DEPDC4: variants seen among roughly 807,000 people sequenced by gnomAD.
DEPDC4 encodes the protein DEP domain-containing protein 4.
In DEPDC4, 52 loss-of-function variants were observed where a neutral mutation model predicts 52.0. That is an observed-to-expected ratio of 1.00 (90% confidence interval 0.80 to 1.26). The LOEUF (loss-of-function observed/expected upper bound fraction) is 1.26, where lower values mean the gene tolerates loss of function less well. DEPDC4 is among the 50% of genes most tolerant of loss of function. The pLI is 0.00. For synonymous variants in DEPDC4, 201 were observed against 196.8 expected (o/e 1.02, Z -0.18); for missense variants, 530 against 546.9 (o/e 0.97, Z 0.31).
upstream of DEPDC4, among the ~76,000 whole-genome samples, chr12:100,271,279 A>G (rs1030270417): frequency 4.6e-5 from 7 of 151,060 alleles, no homozygotes; most frequent in East Asian, 5.8e-4. Flanking sequence ...AAAAAAAAAA[A>G]AAAGAGAGAG....
chr12:100,261,273 A>G (rs1053106341), intron 3 of DEPDC4, among the ~76,000 whole-genome samples: 9 of 152,084 alleles, frequency 5.9e-5, no homozygotes, highest in Non-Finnish European at 1.0e-4. Flanking sequence ...TATCATGCCA[A>G]TGTTAACTAT....
At chr12:100,260,204 T>C (rs568235740) in intron 3 of DEPDC4, among the ~76,000 whole-genome samples, 2 of 152,070 alleles carry the variant, frequency 1.3e-5, no homozygotes, top group Non-Finnish European at 2.9e-5. Context: ...TACTGCAACC[T>C]TTGCCTCCCG....
Position 100,262,356 on chromosome 12 carries a change from C to T in DEPDC4, c.608G>A (p.Arg203Lys). 2 of 1,613,340 alleles carry T rather than the reference C, an allele frequency of 1.2e-6. No individual in the cohort carries two copies. The highest frequency in any genetic ancestry group is 3.3e-4 in the Middle Eastern group (2 of 6,038). Residue 203 changes from arginine to lysine, a missense_variant, in exon 3 of 10, where the codon AGA becomes AAA. Arg to Lys is a conservative substitution (Grantham distance 26). Coordinates refer to ENST00000550587, the MANE Select transcript of DEPDC4 (RefSeq NM_001364818.2). The part of the protein sequence containing the change: ...NPLAQEIGEE[R>K]IEELIHTING... ...TATTGTATGAATAAGTTCCTCAATT[C>T]TTTCCTCACCAATCTCCTGTGCTAG...
At chr12:100,272,084 G>A in the DEPDC4 span, among the ~76,000 whole-genome samples, 1 of 152,142 alleles carries the variant, frequency 6.6e-6, no homozygotes, top group East Asian at 1.9e-4. Context: ...GGCTGAGCTA[G>A]ATGGTAGAGA....
chr12:100,263,693 C>CAA lies in DEPDC4; in HGVS notation c.357_358insTT (p.Gly120LeufsTer9), dbSNP rs1177967646. On this transcript the variant is annotated frameshift_variant, in exon 2 of 10. Coordinates refer to ENST00000550587, the MANE Select transcript of DEPDC4 (RefSeq NM_001364818.2). LOFTEE classifies it high-confidence loss of function. ...ATTAGAACTTGGCAAAGATGAACCC[C>CAA]TTTAAGACAAGAGATGTCATTGCTA... 1.9e-6 allele frequency: 3 copies of CAA among 1,613,970 alleles called. No homozygotes were observed. Among genetic ancestry groups the CAA allele is most frequent in the Non-Finnish European group, 2.5e-6 (3 of 1,180,014 alleles).
At chr12:100,258,077 G>A (rs1025297643) in intron 3 of DEPDC4, among the ~76,000 whole-genome samples, 1 of 152,128 alleles carries the variant, frequency 6.6e-6, no homozygotes, top group Non-Finnish European at 1.5e-5. Context: ...ATAGCTCACT[G>A]CTGTCTCAAA....
upstream of DEPDC4, among the ~76,000 whole-genome samples, chr12:100,269,987 CTTT>C (rs548843835): frequency 2.1e-5 from 3 of 142,972 alleles, no homozygotes; most frequent in Admixed American, 7.0e-5. Context: ...AGATTTTATA[CTTT>C]TTTTTTTTTT....
intron 8 of DEPDC4, among the ~76,000 whole-genome samples, chr12:100,243,251 G>GA (rs554181766): frequency 7.9e-5 from 12 of 151,650 alleles, no homozygotes; most frequent in Admixed American, 2.6e-4. Flanking sequence ...TGTAAGTGTT[G>GA]AAAAAAAATA....
intron 1 of DEPDC4, among the ~76,000 whole-genome samples, chr12:100,265,875 G>A (rs949298254): frequency 1.3e-5 from 2 of 152,094 alleles, no homozygotes; most frequent in Non-Finnish European, 2.9e-5. Context: ...AGTAACCTTG[G>A]GGAAGAAGGA....
upstream of DEPDC4, among the ~76,000 whole-genome samples, chr12:100,271,429 TAATTCTTAATTAGAATTACAA>T (rs925956365): frequency 4.6e-5 from 7 of 152,240 alleles, no homozygotes; most frequent in African/African-American, 1.7e-4. Context: ...TTCTTGAATG[TAATTCTTAATTAGAATTACAA>T]AAATTCATTG....
At chr12:100,235,966 C>T (rs2096140790), downstream of DEPDC4, among the ~76,000 whole-genome samples, 1 of 152,198 alleles carries the variant, frequency 6.6e-6, no homozygotes, top group Non-Finnish European at 1.5e-5. Context: ...TCCTCAGTTA[C>T]TTCACATAGA....
chr12:100,249,428 C>T lies in DEPDC4; in HGVS notation c.1375-450G>A, dbSNP rs956579286. ...CTTTGGGAGGGTGAAGTGGGAAGATCGCTTGAGTCCAGAAGTTCAAGACCA... is the reference window on the plus strand; with the variant it reads ...CTTTGGGAGGGTGAAGTGGGAAGATTGCTTGAGTCCAGAAGTTCAAGACCA... On this transcript the variant is annotated intron_variant, in intron 7 of 9. Coordinates refer to ENST00000550587, the MANE Select transcript of DEPDC4 (RefSeq NM_001364818.2). Among the ~76,000 whole-genome samples, 6 of 152,094 alleles carry T rather than the reference C, an allele frequency of 3.9e-5. No homozygotes were observed. The East Asian group carries it at 7.7e-4, about 20-fold the overall frequency.
At chr12:100,233,451 A>G (rs2096137231) in intron 9 of DEPDC4, among the ~76,000 whole-genome samples, 1 of 152,212 alleles carries the variant, frequency 6.6e-6, no homozygotes, top group African/African-American at 2.4e-5. Context: ...AGATGCCATA[A>G]TAAAATAGTT....
At chr12:100,247,346 C>T (rs138541732) in intron 8 of DEPDC4, among the ~76,000 whole-genome samples, 224 of 151,282 alleles carry the variant, frequency 1.5e-3, no homozygotes, top group African/African-American at 5.0e-3. Flanking sequence ...GCTTGGATTA[C>T]AGGCATGCAC....
At chr12:100,281,959 AAG>A in the DEPDC4 span, among the ~76,000 whole-genome samples, 2 of 152,142 alleles carry the variant, frequency 1.3e-5, no homozygotes, top group East Asian at 3.8e-4. Context: ...GGGGTGGAAA[AAG>A]AAAAAATAAG....
At chr12:100,248,637 T>C (rs1460905848) in intron 8 of DEPDC4, among the ~76,000 whole-genome samples, 1 of 151,656 alleles carries the variant, frequency 6.6e-6, no homozygotes, top group Non-Finnish European at 1.5e-5. Flanking sequence ...GGCATGTGGG[T>C]GATAATTGAA....
At chr12:100,270,042 C>A (rs7350571), upstream of DEPDC4, among the ~76,000 whole-genome samples, 28,965 of 150,662 alleles carry the variant, frequency 0.19, 3,106 homozygotes, top group African/African-American at 0.27. Flanking sequence ...GCTGGAGTGC[C>A]GTGGCGCGAT....
upstream of DEPDC4, among the ~76,000 whole-genome samples, chr12:100,269,127 G>T (rs907683249): frequency 1.1e-4 from 17 of 152,164 alleles, no homozygotes; most frequent in East Asian, 1.2e-3. Context: ...TCTTTCAGTG[G>T]CTTCTCACCA....
chr12:100,242,008 C>T, intron 9 of DEPDC4, 163 bp from the exon 10 acceptor site: 1 of 207,048 alleles, frequency 4.8e-6, no homozygotes, highest in Non-Finnish European at 8.5e-6. Context: ...TTTACTTTAG[C>T]AAAACATACA....
Sources: gnomAD v4.1 joint callset for allele counts (sites outside exome capture counted in the v4.1 genomes callset) on GRCh38, gnomAD v4.1.1 for gene constraint, MANE v1.5 for transcripts, NCBI Gene and HGNC (gene_info 2026-07-23, HGNC 2026-07-21) for gene names.